The following ENAM variants were observed in gnomAD, a reference collection of about 807,000 sequenced individuals.
ENAM encodes the protein enamelin.
Under a neutral mutation model 33.6 loss-of-function variants are expected in ENAM, and 21 were observed. The ratio of observed to expected loss-of-function variants is 0.63; its 90% CI spans 0.44 to 0.90. ENAM has a LOEUF of 0.90. Ranked by LOEUF, ENAM falls within the 40% of genes least tolerant of loss-of-function variation. ENAM has a pLI of 0.00. For missense variants in ENAM, 1,388 were observed against 1,366.9 expected (o/e 1.02, Z -0.24); for synonymous variants, 473 against 468.4 (o/e 1.01, Z -0.13).
rs931539321 is a variant in ENAM at position 70,646,167 on chromosome 4, T to A, written c.*1312T>A. On this transcript the variant is annotated 3_prime_UTR_variant, in exon 9 of 9. Transcript: ENST00000396073. The stretch of plus-strand genomic sequence containing the variant: ...TACTTACAGACACTCTTTCTTGGTA[T>A]CTTGAATAAATTGTGTAAATTATTT... 2 of 152,154 alleles carry A rather than the reference T, an allele frequency of 1.3e-5. No individual in the cohort carries two copies. The highest frequency in any genetic ancestry group is 4.8e-5 in the African/African-American group (2 of 41,436). The allele number at this position is 152,154 out of a possible 1,614,324, so 9.4% of individuals were successfully genotyped here.
In ENAM at chr4:70,641,749, C is replaced by T. The variant is rs138302540; in HGVS notation, c.589-266C>T. Among the ~76,000 whole-genome samples, 1,190 of 151,956 alleles carry T rather than the reference C, an allele frequency of 7.8e-3. 6 individuals are homozygous for T. The highest frequency in any genetic ancestry group is 0.014 in the Middle Eastern group (4 of 294). On this transcript the variant is annotated intron_variant, in intron 8 of 8. Transcript: ENST00000396073. ...GAGGATGAAATCATTAAAAACAAAACAGAAAAACAAACAAAAACCCTCAGA... is the reference window on the plus strand; with the variant it reads ...GAGGATGAAATCATTAAAAACAAAATAGAAAAACAAACAAAAACCCTCAGA...
rs747332622 is a variant in ENAM at position 70,642,694 on chromosome 4, A to G, written c.1268A>G (p.Lys423Arg). Residue 423 changes from lysine (K) to arginine (R), a missense_variant, in exon 9 of 9, where the codon AAA becomes AGA. Transcript: ENST00000396073. Reference sequence around the variant, plus strand: ...ACTACTGTTGCCCCACTGGGTCCCAAACCTGGCCCTGTTGTTCGCAATGAA... The same window carrying G: ...ACTACTGTTGCCCCACTGGGTCCCAGACCTGGCCCTGTTGTTCGCAATGAA... ...VGTTVAPLGPKPGPVVRNEKI... is the reference protein window; with the variant it reads ...VGTTVAPLGPRPGPVVRNEKI... 1.2e-6 allele frequency: 2 copies of G among 1,608,480 alleles called. No individual in the cohort carries two copies. The highest frequency in any genetic ancestry group is 1.3e-5 in the African/African-American group (1 of 74,386).
At chr4:70,632,788 T>C in intron 5 of ENAM, 96 bp downstream of exon 5, 1 of 864,066 alleles carries the variant, frequency 1.2e-6, no homozygotes, top group Non-Finnish European at 2.0e-6. Flanking sequence ...CCAATCCACA[T>C]GTTTTAAGTA....
intron 3 of ENAM, 28 bp downstream of exon 3, chr4:70,631,766 C>T (rs1376019283): frequency 6.2e-7 from 1 of 1,609,410 alleles, no homozygotes; most frequent in Admixed American, 1.7e-5. Flanking sequence ...GTTAGCTCTT[C>T]TCTTTGTGTT....
In ENAM at chr4:70,644,886, G is replaced by A. The variant is rs1196102298; in HGVS notation, c.*31G>A. On this transcript the variant is annotated 3_prime_UTR_variant, in exon 9 of 9. Transcript: ENST00000396073. ...ATCCAACCAAGCATTCTTGGGGAAA[G>A]AGAAATCACTGACATTCTATACCAA... 6.3e-7 allele frequency: 1 copy of A among 1,582,994 alleles called. No individual in the cohort carries two copies. The highest frequency in any genetic ancestry group is 1.1e-5 in the South Asian group (1 of 90,318).
chr4:70,631,820 A>G lies in ENAM; in HGVS notation c.124-29A>G, dbSNP rs749619501. The G allele has an allele frequency of 2.3e-5, 37 of 1,613,448 alleles. No homozygotes were observed. In the South Asian group the frequency reaches 3.6e-4, roughly 16 times the overall value. ...GAGCTTATTTCAACTGATGTTCTGC[A>G]TTTGTCACTGACATTCTCTTACTTC... On this transcript the variant is annotated intron_variant, in intron 3 of 8. Transcript: ENST00000396073.
In ENAM at chr4:70,644,011, A is replaced by C. The variant is rs1391567815; in HGVS notation, c.2585A>C (p.Glu862Ala). The change falls in exon 9 of 9, where the codon GAA becomes GCA. Residue 862 changes from glutamate to alanine, a missense_variant. Glu to Ala is a moderately radical substitution (Grantham distance 107). Transcript: ENST00000396073. ...CCAAGTTACCCATCAGGTCAAAAAGAAGCACATTTATTTCACCTAAGCCAG... is the reference window on the plus strand; with the variant it reads ...CCAAGTTACCCATCAGGTCAAAAAGCAGCACATTTATTTCACCTAAGCCAG... The part of the protein sequence containing the change: ...IPPSYPSGQK[E>A]AHLFHLSQRG... 6.2e-7 allele frequency: 1 copy of C among 1,614,140 alleles called. No homozygotes were observed. The highest frequency in any genetic ancestry group is 8.5e-7 in the Non-Finnish European group (1 of 1,180,004).
rs1738696356 is a variant in ENAM at position 70,644,268 on chromosome 4, G to T, written c.2842G>T (p.Asp948Tyr). The part of the protein sequence containing the change: ...KRESQNPFRD[D>Y]VSTLRRNTPC... The stretch of plus-strand genomic sequence containing the variant: ...GGAAAGCCAAAACCCTTTTAGAGAT[G>T]ATGTGTCCACGCTGAGGAGGAACAC... Residue 948 changes from aspartate (D) to tyrosine (Y), a missense_variant, in exon 9 of 9, where the codon GAT becomes TAT. Coordinates refer to ENST00000396073, the MANE Select transcript of ENAM (RefSeq NM_031889.3). 1 of 1,614,162 alleles carries T rather than the reference G, an allele frequency of 6.2e-7. No homozygotes were observed.
At chr4:70,635,586 A>G (rs1255070197) in intron 6 of ENAM, among the ~76,000 whole-genome samples, 2 of 152,084 alleles carry the variant, frequency 1.3e-5, no homozygotes, top group Non-Finnish European at 2.9e-5. Flanking sequence ...AATAGTTTAT[A>G]TCTTCTATGG....
chr4:70,637,478 G>A (rs1738479920), intron 7 of ENAM, among the ~76,000 whole-genome samples: 1 of 152,036 alleles, frequency 6.6e-6, no homozygotes, highest in African/African-American at 2.4e-5. Flanking sequence ...TGTTTGTTGG[G>A]GGTTGTGGAG....
chr4:70,636,745 G>A (rs1738460454), intron 7 of ENAM, among the ~76,000 whole-genome samples: 1 of 151,628 alleles, frequency 6.6e-6, no homozygotes, highest in African/African-American at 2.4e-5. Context: ...CTCCAGCCTA[G>A]GTGACAGAGC....
intron 2 of ENAM, 93 bp from the exon 3 acceptor site, chr4:70,631,577 G>A (rs1738321123): frequency 2.1e-6 from 2 of 953,718 alleles, no homozygotes; most frequent in African/African-American, 3.2e-5. Context: ...TACTCTCCTT[G>A]ACAGACAAGT....
In ENAM at chr4:70,643,505, A is replaced by G; in HGVS notation, c.2079A>G (p.Ser693=). 6.2e-7 allele frequency: 1 copy of G among 1,614,174 alleles called. No individual in the cohort carries two copies. The highest frequency in any genetic ancestry group is 8.5e-7 in the Non-Finnish European group (1 of 1,180,006). ...ACTATGAAGGTGAACAATATACCTCAAATCAGCCAAAGGAATATCTTCCCT... is the reference window on the plus strand; with the variant it reads ...ACTATGAAGGTGAACAATATACCTCGAATCAGCCAAAGGAATATCTTCCCT... The part of the protein sequence containing the change: ...VRHYEGEQYT[S]NQPKEYLPYS... The change falls in exon 9 of 9, where the codon TCA becomes TCG. Residue 693 remains serine (S), a synonymous_variant. Coordinates refer to ENST00000396073, the MANE Select transcript of ENAM (RefSeq NM_031889.3).
chr4:70,641,045 A>T (rs1443445358), intron 8 of ENAM, among the ~76,000 whole-genome samples: 1 of 152,226 alleles, frequency 6.6e-6, no homozygotes, highest in African/African-American at 2.4e-5. Context: ...GGGAACAAGG[A>T]TGAAAGTTTA....
At position 70,644,632 on chromosome 4, in the gene ENAM, C is replaced by G; in HGVS notation, c.3206C>G (p.Thr1069Ser). The change falls in exon 9 of 9, where the codon ACC (threonine) becomes AGC (serine). Residue 1069 changes from threonine to serine, a missense_variant. Thr to Ser is a moderately conservative substitution (Grantham distance 58, BLOSUM62 1). Transcript: ENST00000396073. ...AAATTAGCAAAGCATCACTCTTCCA[C>G]CACCGGAACTCCATCTAGCGATGGA... ...GSKLAKHHSS[T>S]TGTPSSDGRQ... The G allele has an allele frequency of 6.2e-7, 1 of 1,613,884 alleles. No homozygotes were observed. The highest frequency in any genetic ancestry group is 8.5e-7 in the Non-Finnish European group (1 of 1,179,846).
Position 70,634,526 on chromosome 4 carries a change from A to T in ENAM, c.429A>T (p.Ser143=), listed in dbSNP as rs985348709. The T allele has an allele frequency of 3.7e-6, 6 of 1,614,150 alleles. No homozygotes were observed. Among genetic ancestry groups the T allele is most frequent in the South Asian group, 3.3e-5 (3 of 91,086 alleles). Residue 143 remains serine (S), a synonymous_variant, in exon 6 of 9, where the codon TCA becomes TCT. Coordinates refer to ENST00000396073, the MANE Select transcript of ENAM (RefSeq NM_031889.3). ...PPQKRPLKQP[S]HNQPQPEEEA... ...AAAAGCGGCCTTTGAAGCAGCCATC[A>T]CATAATCAACCTCAGCCCGAAGAGG...
At chr4:70,629,621 C>G (rs963172139) in intron 2 of ENAM, 67 bp downstream of exon 2, 1 of 1,131,776 alleles carries the variant, frequency 8.8e-7, no homozygotes, top group African/African-American at 1.5e-5. Context: ...CAGAAATACA[C>G]TTGAGAGGGC....
At chr4:70,632,533 T>G in intron 4 of ENAM, 118 bp from the exon 5 acceptor site, 2 of 806,628 alleles carry the variant, frequency 2.5e-6, no homozygotes, top group Non-Finnish European at 4.5e-6. Context: ...AATCAGAAAT[T>G]TTTACACTGG....
At chr4:70,636,905 C>T (rs1344639895) in intron 7 of ENAM, among the ~76,000 whole-genome samples, 1 of 152,012 alleles carries the variant, frequency 6.6e-6, no homozygotes, top group Non-Finnish European at 1.5e-5. Context: ...GCAAAATAAA[C>T]TTTTTGAACT....
Sources: gnomAD v4.1 joint callset for allele counts (sites outside exome capture counted in the v4.1 genomes callset) on GRCh38, gnomAD v4.1.1 for gene constraint, MANE v1.5 for transcripts, NCBI Gene and HGNC (gene_info 2026-07-23, HGNC 2026-07-21) for gene names.